ERGIC1: variants seen among roughly 807,000 people sequenced by gnomAD.
ERGIC1 encodes the protein endoplasmic reticulum-Golgi intermediate compartment protein 1.
In ERGIC1, 19 loss-of-function variants were observed where a neutral mutation model predicts 38.3. The ratio of observed to expected loss-of-function variants is 0.50; its 90% CI spans 0.35 to 0.73. The LOEUF is 0.73. ERGIC1 is among the 30% of genes least tolerant of loss of function. The probability of loss-of-function intolerance (pLI) is 0.01; values close to 1 mark genes in which losing one functional copy is unlikely to be tolerated. For missense variants in ERGIC1, 294 were observed against 389.2 expected (o/e 0.76, Z 2.06); for synonymous variants, 124 against 157.6 (o/e 0.79, Z 1.60).
intron 3 of ERGIC1, among the ~76,000 whole-genome samples, chr5:172,902,446 T>C (rs551891025): frequency 1.4e-3 from 207 of 152,304 alleles, no homozygotes; most frequent in African/African-American, 4.5e-3. Context: ...ATAGGAGGCC[T>C]GAGGGCGTCT....
intron 9 of ERGIC1, among the ~76,000 whole-genome samples, chr5:172,939,557 C>T (rs1470811627): frequency 6.6e-6 from 1 of 151,654 alleles, no homozygotes; most frequent in Admixed American, 6.6e-5. Flanking sequence ...GCCTCTATGA[C>T]TCCTCCTTCT....
intron 2 of ERGIC1, among the ~76,000 whole-genome samples, chr5:172,895,142 A>G (rs959024736): frequency 6.6e-6 from 1 of 152,160 alleles, no homozygotes; most frequent in Non-Finnish European, 1.5e-5. Flanking sequence ...GGGTCAATCA[A>G]TGTGTTGAAT....
rs530870058 is a variant in ERGIC1, at chr5:172,837,195, A to T, written c.20+2762A>T. Reference sequence around the variant, plus strand: ...AGTGCACTCTTGCCCTTCCCTACGGATACTTCTGATTTTCTTACTGCCTGT... The same window carrying T: ...AGTGCACTCTTGCCCTTCCCTACGGTTACTTCTGATTTTCTTACTGCCTGT... On this transcript the variant is annotated intron_variant, in intron 1 of 9. Transcript: ENST00000393784. The surrounding 1 kb of genome is among the most constrained non-coding windows in gnomAD (Gnocchi z 4.3). Among the ~76,000 whole-genome samples, 4 of 152,200 alleles carry T rather than the reference A, an allele frequency of 2.6e-5. No homozygotes were observed. The South Asian group carries it at 6.2e-4, about 24-fold the overall frequency.
intron 1 of ERGIC1, among the ~76,000 whole-genome samples, chr5:172,879,202 T>C (rs1248110860): frequency 2.6e-5 from 4 of 152,256 alleles, no homozygotes; most frequent in Non-Finnish European, 5.9e-5. Flanking sequence ...TGAGGCATTC[T>C]GCTATGAAAA....
At chr5:172,944,281 C>A (rs886882720) in intron 9 of ERGIC1, among the ~76,000 whole-genome samples, 3 of 152,172 alleles carry the variant, frequency 2.0e-5, no homozygotes, top group Non-Finnish European at 4.4e-5. Flanking sequence ...TTGGGAGATA[C>A]AAGAGCGTGG....
chr5:172,932,837 C>T (rs1763809014), intron 8 of ERGIC1: 1 of 372,484 alleles, frequency 2.7e-6, no homozygotes, highest in Non-Finnish European at 5.0e-6. Flanking sequence ...TCAAACAGCC[C>T]TGCATCTGGT....
intron 2 of ERGIC1, among the ~76,000 whole-genome samples, 181 bp from the exon 3 acceptor site, chr5:172,896,821 C>T (rs1023389040): frequency 1.3e-5 from 2 of 152,194 alleles, no homozygotes; most frequent in African/African-American, 2.4e-5. Flanking sequence ...CAGACCAGTA[C>T]CCCAAAGGCA....
intron 1 of ERGIC1, among the ~76,000 whole-genome samples, chr5:172,840,703 C>T (rs771802233): frequency 2.0e-5 from 3 of 152,150 alleles, no homozygotes; most frequent in Admixed American, 6.6e-5. Context: ...AGTAAGGGGC[C>T]GTAACTTTCT....
intron 9 of ERGIC1, among the ~76,000 whole-genome samples, chr5:172,939,080 A>T (rs1488632933): frequency 6.6e-6 from 1 of 152,138 alleles, no homozygotes; most frequent in Non-Finnish European, 1.5e-5. Context: ...AAAAGAAAAA[A>T]GAAATCACTT....
chr5:172,893,710 G>A (rs2113289626), intron 2 of ERGIC1, among the ~76,000 whole-genome samples: 1 of 151,236 alleles, frequency 6.6e-6, no homozygotes, highest in East Asian at 1.9e-4. Context: ...TTCAGCAGCT[G>A]GAGAAAACAA....
intron 9 of ERGIC1, among the ~76,000 whole-genome samples, chr5:172,946,241 A>T (rs1581592428): frequency 6.6e-6 from 1 of 152,206 alleles, no homozygotes; most frequent in Non-Finnish European, 1.5e-5. Context: ...CTGTGTGAAC[A>T]GCAACAGGCT....
rs778943028 is a variant in ERGIC1, at chr5:172,909,753, A to T, written c.242A>T (p.His81Leu). Residue 81 changes from histidine to leucine, a missense_variant, in exon 4 of 10, where the codon CAC becomes CTC. Around this residue, in one of 3 missense-constraint regions of ERGIC1, gnomAD observed 163 missense variants for 225.8 expected, o/e 0.72. Transcript: ENST00000393784. ...VSLNISLPNL[H>L]CELVGLDIQD... is the part of the protein sequence containing the mutation. ...CTGAACATCAGTTTACCCAATCTGC[A>T]CTGCGAGTGTGAGTACTCCACGCAG... 48 of 1,614,040 alleles carry T rather than the reference A, an allele frequency of 3.0e-5. No homozygotes were observed. The highest frequency in any genetic ancestry group is 4.0e-5 in the Non-Finnish European group (47 of 1,179,980).
chr5:172,873,197 C>G (rs1762060563), intron 1 of ERGIC1, among the ~76,000 whole-genome samples: 1 of 152,224 alleles, frequency 6.6e-6, no homozygotes, highest in Non-Finnish European at 1.5e-5. Flanking sequence ...CCATTTATAG[C>G]ATCTGCACAC....
chr5:172,871,942 A>G (rs1762021371), intron 1 of ERGIC1, among the ~76,000 whole-genome samples: 2 of 152,220 alleles, frequency 1.3e-5, no homozygotes, highest in African/African-American at 4.8e-5. Context: ...CAAGGAAAAC[A>G]TTCTGACCCC....
At position 172,926,898 on chromosome 5, in the gene ERGIC1, GCTATGGCAGAAC is replaced by G. The variant is rs1763664197; in HGVS notation, c.541+331_541+342del. 4 of 315,282 alleles carry G rather than the reference GCTATGGCAGAAC, an allele frequency of 1.3e-5. No homozygotes were observed. The highest frequency in any genetic ancestry group is 2.4e-5 in the Non-Finnish European group (4 of 163,354). 19.5% of individuals were successfully genotyped at this position (315,282 alleles called of 1,614,324 possible). On this transcript the variant is annotated intron_variant, in intron 7 of 9. Coordinates refer to ENST00000393784, the MANE Select transcript of ERGIC1 (RefSeq NM_001031711.3). The surrounding 1 kb of genome is among the most constrained non-coding windows in gnomAD (Gnocchi z 5.2). ...CTAATTACCTAAGATCCCACAGGGAGCTATGGCAGAACCAGGATCTGTTCTGCCTCCAGGTCG... is the reference window on the plus strand; with the variant it reads ...CTAATTACCTAAGATCCCACAGGGAGCAGGATCTGTTCTGCCTCCAGGTCG...
chr5:172,921,537 A>C (rs1334485513), intron 5 of ERGIC1: 1 of 152,230 alleles, frequency 6.6e-6, no homozygotes, highest in African/African-American at 2.4e-5. Flanking sequence ...ACATGCTTAC[A>C]AAATCAGACT....
intron 6 of ERGIC1, among the ~76,000 whole-genome samples, chr5:172,925,132 G>A (rs1763622193): frequency 6.6e-6 from 1 of 152,140 alleles, no homozygotes; most frequent in South Asian, 2.1e-4. Context: ...CAGCTACTCA[G>A]GAGGCTGAGG....
chr5:172,858,073 G>A (rs986461240), intron 1 of ERGIC1, among the ~76,000 whole-genome samples: 1 of 152,208 alleles, frequency 6.6e-6, no homozygotes, highest in Non-Finnish European at 1.5e-5. Context: ...AAAGCAGGGG[G>A]CTGTGAGGCC....
At chr5:172,932,389 G>T in intron 7 of ERGIC1, 47 bp from the exon 8 acceptor site, 2 of 1,585,178 alleles carry the variant, frequency 1.3e-6, no homozygotes, top group Non-Finnish European at 1.7e-6. Context: ...AGCTGTCAGC[G>T]GGCAGTGCCC....
Sources: allele counts gnomAD v4.1 joint callset (sites outside exome capture counted in the v4.1 genomes callset), GRCh38; gene constraint gnomAD v4.1.1; regional missense constraint gnomAD v4.1.1; non-coding constraint Gnocchi (gnomAD v3.1); transcripts MANE v1.5; gene names NCBI Gene and HGNC (gene_info 2026-07-23, HGNC 2026-07-21).